The following NAV3 variants were observed in gnomAD, a reference collection of about 807,000 sequenced individuals.
NAV3 encodes pore membrane and/or filament interacting like protein 1.
NAV3 carries 87 observed loss-of-function variants against 244.7 expected under a neutral mutation model. That is an observed-to-expected ratio of 0.36 (90% CI 0.30 to 0.42). The LOEUF is 0.42. NAV3 is among the 20% of genes least tolerant of loss of function. NAV3 has a pLI of 1.00. For synonymous variants in NAV3, 1,126 were observed against 1,042.2 expected (o/e 1.08, Z -1.55); for missense variants, 2,663 against 2,893.3 (o/e 0.92, Z 1.83).
chr12:77,618,197 C>A (rs371532320), intron 2 of NAV3, among the ~76,000 whole-genome samples: 7 of 152,210 alleles, frequency 4.6e-5, no homozygotes, highest in South Asian at 2.1e-4. Flanking sequence ...ATCTTAACTG[C>A]AGCCTCCTTA....
chr12:77,963,182 T>G (rs1385498328), intron 3 of NAV3, among the ~76,000 whole-genome samples: 1 of 152,124 alleles, frequency 6.6e-6, no homozygotes, highest in Non-Finnish European at 1.5e-5. Flanking sequence ...AAAAAAGCAA[T>G]TAAAACAGTG....
At chr12:78,115,850 C>T (rs570812162) in intron 12 of NAV3, among the ~76,000 whole-genome samples, 54 of 152,156 alleles carry the variant, frequency 3.5e-4, no homozygotes, top group Non-Finnish European at 6.9e-4. Context: ...TAAGTACACT[C>T]TATGATGTTC....
chr12:78,134,117 T>C (rs1956277485), intron 18 of NAV3, among the ~76,000 whole-genome samples: 1 of 152,236 alleles, frequency 6.6e-6, no homozygotes. Context: ...CTTTTGCATA[T>C]GGTGATTGTT....
chr12:77,906,474 T>C (rs1447976911), intron 1 of NAV3, among the ~76,000 whole-genome samples: 1 of 152,132 alleles, frequency 6.6e-6, no homozygotes, highest in Non-Finnish European at 1.5e-5. Flanking sequence ...ACACACTGCA[T>C]TTTATATTTG....
At chr12:77,872,578 A>C (rs539621374) in intron 1 of NAV3, among the ~76,000 whole-genome samples, 3 of 152,192 alleles carry the variant, frequency 2.0e-5, no homozygotes, top group Non-Finnish European at 2.9e-5. Flanking sequence ...GTCTAGGTTT[A>C]GGACAGAACC....
intron 20 of NAV3, among the ~76,000 whole-genome samples, chr12:78,144,404 G>A (rs548321965): frequency 6.6e-6 from 1 of 151,880 alleles, no homozygotes; most frequent in South Asian, 2.1e-4. Flanking sequence ...AAAAAAAAAT[G>A]GCAAATAATC....
chr12:77,998,336 G>A lies in NAV3; in HGVS notation c.741-1G>A, dbSNP rs1458874328. ...ATGTAATTTTTCTTATACTATTTCA[G>A]GCTTCCAGGGCCCTCTAGGGTGCCT... is the stretch of plus-strand genomic sequence containing the variant. On this transcript the variant is annotated splice_acceptor_variant, in intron 6 of 39. Transcript: ENST00000397909. LOFTEE classifies it high-confidence loss of function. The A allele has an allele frequency of 6.5e-7, 1 of 1,547,890 alleles. No individual in the cohort carries two copies. The highest frequency in any genetic ancestry group is 1.4e-5 in the African/African-American group (1 of 71,028).
At chr12:77,634,775 A>T (rs1023500671) in intron 2 of NAV3, among the ~76,000 whole-genome samples, 1 of 152,140 alleles carries the variant, frequency 6.6e-6, no homozygotes, top group Non-Finnish European at 1.5e-5. Flanking sequence ...GTAATTTTTT[A>T]AAAATGTATT....
intron 5 of NAV3, among the ~76,000 whole-genome samples, chr12:77,974,310 CT>C (rs1329558703): frequency 3.9e-5 from 6 of 151,996 alleles, no homozygotes; most frequent in Admixed American, 3.3e-4. Flanking sequence ...GAGATAGAAT[CT>C]TGCTCTGTCA....
intron 12 of NAV3, among the ~76,000 whole-genome samples, chr12:78,073,728 G>A (rs539813496): frequency 0.011 from 1,638 of 152,094 alleles, 26 homozygotes; most frequent in African/African-American, 0.037. Context: ...AGCCCGCATC[G>A]CCAAGTCAAT....
intron 3 of NAV3, among the ~76,000 whole-genome samples, chr12:77,961,577 A>G (rs1007070679): frequency 5.9e-5 from 8 of 135,174 alleles, no homozygotes; most frequent in Non-Finnish European, 1.2e-4. Flanking sequence ...TAAATATTAT[A>G]TATTATGTAT....
At chr12:77,768,916 C>G (rs985182446) in intron 2 of NAV3, among the ~76,000 whole-genome samples, 1 of 152,234 alleles carries the variant, frequency 6.6e-6, no homozygotes, top group Non-Finnish European at 1.5e-5. Context: ...ATTTATTACT[C>G]TCTTCTTCCT....
intron 2 of NAV3, among the ~76,000 whole-genome samples, chr12:77,623,099 C>G (rs1871455326): frequency 6.6e-6 from 1 of 152,132 alleles, no homozygotes; most frequent in Non-Finnish European, 1.5e-5. Flanking sequence ...TCATCAGTGT[C>G]TGTTTTGGAT....
At chr12:77,659,592 C>T (rs1414558855) in intron 2 of NAV3, among the ~76,000 whole-genome samples, 8 of 152,130 alleles carry the variant, frequency 5.3e-5, no homozygotes, top group Admixed American at 3.9e-4. Flanking sequence ...CTATTTGACC[C>T]AGCCATCCCA....
At chr12:78,143,626 G>GA (rs71088361) in intron 20 of NAV3, among the ~76,000 whole-genome samples, 95 of 75,914 alleles carry the variant, frequency 1.3e-3, no homozygotes, top group East Asian at 0.012. Context: ...CACTGTCTCA[G>GA]AAAAAAAAAA....
intron 2 of NAV3, among the ~76,000 whole-genome samples, chr12:77,773,721 G>T (rs920564141): frequency 6.6e-6 from 1 of 152,088 alleles, no homozygotes; most frequent in African/African-American, 2.4e-5. Context: ...TGAGTAACCC[G>T]CAAATATGTA....
intron 2 of NAV3, among the ~76,000 whole-genome samples, chr12:77,653,426 A>T (rs1872920869): frequency 6.6e-6 from 1 of 152,230 alleles, no homozygotes; most frequent in African/African-American, 2.4e-5. Context: ...GCTGTCTCAA[A>T]TCTGACTTAA....
At chr12:77,809,527 T>A (rs1872178790) in intron 2 of NAV3, among the ~76,000 whole-genome samples, 1 of 152,202 alleles carries the variant, frequency 6.6e-6, no homozygotes, top group African/African-American at 2.4e-5. Context: ...CCCAATGAGA[T>A]GAGTCAGGTA....
rs868445556 is a variant in NAV3 at position 77,660,639 on chromosome 12, G to A, written c.72+88373G>A. Among the ~76,000 whole-genome samples, 11 of 152,140 alleles carry A rather than the reference G, an allele frequency of 7.2e-5. No individual in the cohort carries two copies. The South Asian group carries it at 2.3e-3, about 32-fold the overall frequency. On this transcript the variant is annotated intron_variant, in intron 2 of 8. Coordinates refer to the NAV3 transcript ENST00000550042. ...ATATATGTATGTATATTATATACGTGCATATATACAGACATGTTTAGGTAT... is the reference window on the plus strand; with the variant it reads ...ATATATGTATGTATATTATATACGTACATATATACAGACATGTTTAGGTAT...
Sources: allele counts gnomAD v4.1 joint callset (sites outside exome capture counted in the v4.1 genomes callset), GRCh38; gene constraint gnomAD v4.1.1; transcripts MANE v1.5; gene names NCBI Gene and HGNC (gene_info 2026-07-23, HGNC 2026-07-21).